CTBP2: variants seen among roughly 807,000 people sequenced by gnomAD.
The protein encoded by CTBP2 is C-terminal-binding protein 2.
A neutral mutation model predicts 80.3 loss-of-function variants in CTBP2; 30 were observed. The observed-to-expected ratio is 0.37, with a 90% CI of 0.28 to 0.51. The LOEUF is 0.51. Ranked by LOEUF, CTBP2 falls within the 20% of genes least tolerant of loss-of-function variation. The pLI is 0.93. For missense variants in CTBP2, 1,212 were observed against 1,375.3 expected, an observed-to-expected ratio of 0.88 and a Z score of 1.88; for synonymous variants, 594 against 587.4, an observed-to-expected ratio of 1.01 and a Z score of -0.16.
Position 124,989,043 on chromosome 10 carries a change from TC to T in CTBP2, c.*474del, listed in dbSNP as rs1952230598. ...TGTCTACCACAGGCAAACAGTTTTC[TC>T]CCCATTTTGTAGTAATGTGATTTTC... is the stretch of plus-strand genomic sequence containing the variant. On this transcript the variant is annotated 3_prime_UTR_variant, in exon 9 of 9. Coordinates refer to ENST00000309035, the MANE Select transcript of CTBP2 (RefSeq NM_022802.3). The T allele has an allele frequency of 4.7e-6, 1 of 210,820 alleles. No individual in the cohort carries two copies. The highest frequency in any genetic ancestry group is 5.3e-5 in the Admixed American group (1 of 18,776). The allele number at this position is 210,820 out of a possible 1,614,324, so 13.1% of individuals were successfully genotyped here. A position where few individuals can be genotyped will look rare whatever the true frequency, so the allele number is the denominator to read the frequency against.
intron 2 of CTBP2, among the ~76,000 whole-genome samples, chr10:125,095,754 A>G (rs1849450403): frequency 6.6e-6 from 1 of 152,190 alleles, no homozygotes; most frequent in Admixed American, 6.5e-5. Flanking sequence ...TTCAGGCTGG[A>G]GCAGACGCTG....
In CTBP2 at chr10:124,998,178, G is replaced by A. The variant is rs1262263264; in HGVS notation, c.1979-8C>T. The A allele has an allele frequency of 6.3e-7, 1 of 1,599,474 alleles. No homozygotes were observed. Among genetic ancestry groups the A allele is most frequent in the Admixed American group, 1.8e-5 (1 of 56,962 alleles). ...TGTTGCACACGGCAATTCCTGAAAG[G>A]GATGAGGCCAAGGCCGGAGATGAGA... On this transcript the variant is annotated splice_polypyrimidine_tract_variant and splice_region_variant and intron_variant, in intron 3 of 8. Coordinates refer to ENST00000309035, the MANE Select transcript of CTBP2 (RefSeq NM_022802.3).
At chr10:125,032,125 G>A (rs1181061715), upstream of CTBP2, among the ~76,000 whole-genome samples, 2 of 151,796 alleles carry the variant, frequency 1.3e-5, no homozygotes, top group East Asian at 3.9e-4. Flanking sequence ...AGTGTGCAAC[G>A]GGACCCCAGC....
intron 1 of CTBP2, among the ~76,000 whole-genome samples, chr10:125,134,009 C>CATGT (rs1856584565): frequency 1.8e-4 from 27 of 152,178 alleles, no homozygotes; most frequent in Admixed American, 1.8e-3. Flanking sequence ...TAAAACTTAG[C>CATGT]AGGTAGGATA....
intron 4 of CTBP2, 99 bp from the exon 7 acceptor site, chr10:124,994,782 C>A: frequency 8.4e-7 from 1 of 1,192,606 alleles, no homozygotes; most frequent in Non-Finnish European, 1.2e-6. Flanking sequence ...TTGGCATCCC[C>A]GCTGGTAGCT....
intron 1 of CTBP2, among the ~76,000 whole-genome samples, chr10:125,146,521 G>A (rs1858808192): frequency 6.6e-6 from 1 of 152,158 alleles, no homozygotes; most frequent in South Asian, 2.1e-4. Context: ...GATCTTAGGT[G>A]ATCCACCTGC....
Position 124,992,787 on chromosome 10 carries a change from A to G in CTBP2, c.2685T>C (p.Asn895=), listed in dbSNP as rs891789193. The G allele has an allele frequency of 1.2e-6, 2 of 1,611,742 alleles. No homozygotes were observed. The highest frequency in any genetic ancestry group is 1.1e-5 in the South Asian group (1 of 90,564). Residue 895 remains asparagine (N), a synonymous_variant, in exon 8 of 9, where the codon AAT becomes AAC. Transcript: ENST00000309035. Reference sequence around the variant, plus strand: ...TGACAAAGAATTCCTTGTTCACACAATTTCTTAAGCTTTCTGGGATGCGAC... The same window carrying G: ...TGACAAAGAATTCCTTGTTCACACAGTTTCTTAAGCTTTCTGGGATGCGAC...
intron 1 of CTBP2, among the ~76,000 whole-genome samples, chr10:125,151,144 T>C (rs1044670327): frequency 6.6e-6 from 1 of 152,146 alleles, no homozygotes; most frequent in Non-Finnish European, 1.5e-5. Context: ...CGCACTTGAA[T>C]GGCTGCATAA....
intron 1 of CTBP2, among the ~76,000 whole-genome samples, chr10:125,025,446 C>T (rs1196663729): frequency 1.3e-5 from 2 of 152,166 alleles, no homozygotes; most frequent in East Asian, 1.9e-4. Context: ...TTCAAGCACG[C>T]GGAATTCCCA....
intron 2 of CTBP2, among the ~76,000 whole-genome samples, chr10:125,057,082 G>A (rs189554199): frequency 6.6e-6 from 1 of 152,360 alleles, no homozygotes; most frequent in African/African-American, 2.4e-5. Context: ...CAGGTCCTGG[G>A]GGCAGGAGGG....
In CTBP2 at chr10:124,992,784, A is replaced by G. The variant is rs1952867243; in HGVS notation, c.2688T>C (p.Cys896=). ...ATGTGACAAAGAATTCCTTGTTCAC[A>G]CAATTTCTTAAGCTTTCTGGGATGC... Residue 896 remains cysteine, a synonymous_variant, in exon 8 of 9, where the codon TGT becomes TGC. Transcript: ENST00000309035. 1 of 1,611,540 alleles carries G rather than the reference A, an allele frequency of 6.2e-7. No individual in the cohort carries two copies. The highest frequency in any genetic ancestry group is 2.2e-5 in the East Asian group (1 of 44,868).
At chr10:125,119,337 G>A (rs954143443) in intron 1 of CTBP2, among the ~76,000 whole-genome samples, 12 of 152,134 alleles carry the variant, frequency 7.9e-5, no homozygotes, top group Non-Finnish European at 2.9e-5. Flanking sequence ...GGAAGGAGTG[G>A]GCATCTTTTC....
chr10:125,149,555 C>T (rs574181111), intron 1 of CTBP2, among the ~76,000 whole-genome samples: 3 of 152,066 alleles, frequency 2.0e-5, no homozygotes, highest in Non-Finnish European at 4.4e-5. Context: ...AAGATGGAGG[C>T]GGGGGGCACC....
rs143058167 is a variant in CTBP2, at chr10:125,093,476, G to A, written c.-102+17514C>T. Reference sequence around the variant, plus strand: ...AAAAGGCACAATGGTTAAAATGATCGTATGATACACCTCCCACCCACGACA... The same window carrying A: ...AAAAGGCACAATGGTTAAAATGATCATATGATACACCTCCCACCCACGACA... On this transcript the variant is annotated intron_variant, in intron 2 of 10. Coordinates refer to the CTBP2 transcript ENST00000337195. Among the ~76,000 whole-genome samples the A allele has an allele frequency of 1.8e-3, 275 of 152,276 alleles. 1 individual carries two copies. The highest frequency in any genetic ancestry group is 6.8e-3 in the Middle Eastern group (2 of 294).
chr10:125,020,197 T>C (rs908583514), intron 1 of CTBP2, among the ~76,000 whole-genome samples: 1 of 152,150 alleles, frequency 6.6e-6, no homozygotes, highest in Non-Finnish European at 1.5e-5. Context: ...CTTTTAAAGA[T>C]TTCAGAGGAG....
intron 1 of CTBP2, among the ~76,000 whole-genome samples, chr10:125,024,599 G>C (rs1200350144): frequency 6.6e-6 from 1 of 152,226 alleles, no homozygotes; most frequent in African/African-American, 2.4e-5. Flanking sequence ...TGGGTGAGGA[G>C]ATAATCTTTC....
chr10:125,082,223 T>A (rs987273667), intron 2 of CTBP2, among the ~76,000 whole-genome samples: 1 of 152,202 alleles, frequency 6.6e-6, no homozygotes, highest in African/African-American at 2.4e-5. Context: ...GGACACACTG[T>A]CTTCAAAATC....
At chr10:125,074,437 C>T (rs1845979532) in intron 2 of CTBP2, among the ~76,000 whole-genome samples, 1 of 152,206 alleles carries the variant, frequency 6.6e-6, no homozygotes, top group Non-Finnish European at 1.5e-5. Flanking sequence ...TCACTGCAAC[C>T]TCTGCCTCGC....
At chr10:125,019,727 T>C (rs1008423483) in intron 1 of CTBP2, among the ~76,000 whole-genome samples, 5 of 152,210 alleles carry the variant, frequency 3.3e-5, no homozygotes, top group African/African-American at 9.7e-5. Context: ...CATAAGAATA[T>C]ATCTTCATGA....
Sources: allele counts gnomAD v4.1 joint callset (sites outside exome capture counted in the v4.1 genomes callset), GRCh38; gene constraint gnomAD v4.1.1; transcripts MANE v1.5; gene names NCBI Gene and HGNC (gene_info 2026-07-23, HGNC 2026-07-21).